Variants in BTBD9 observed in about 807,000 individuals in gnomAD.
BTBD9 encodes BTB/POZ domain-containing protein 9.
BTBD9 carries 49 observed loss-of-function variants against 64.3 expected under a neutral mutation model. That is an observed-to-expected ratio of 0.76 (90% CI 0.61 to 0.97). The LOEUF is 0.97. BTBD9 is among the 50% of genes least tolerant of loss of function. The probability of loss-of-function intolerance (pLI) is 0.00; values close to 1 mark genes in which losing one functional copy is unlikely to be tolerated. For synonymous variants in BTBD9, 260 were observed against 274.7 expected (o/e 0.95, Z 0.53); for missense variants, 598 against 762.1 (o/e 0.78, Z 2.53).
At chr6:38,179,702 C>CTTA (rs1761458647) in intron 10 of BTBD9, 1 of 456,766 alleles carries the variant, frequency 2.2e-6, no homozygotes, top group Non-Finnish European at 4.4e-6. Context: ...CTGTGCCTTC[C>CTTA]TTAAGCCTGG....
intron 6 of BTBD9, among the ~76,000 whole-genome samples, chr6:38,414,095 T>G (rs1290865501): frequency 6.6e-6 from 1 of 152,184 alleles, no homozygotes; most frequent in African/African-American, 2.4e-5. Flanking sequence ...GAAGTTTAGG[T>G]GTTACATTTA....
chr6:38,210,981 C>A (rs1292574675), intron 9 of BTBD9, among the ~76,000 whole-genome samples: 1 of 152,158 alleles, frequency 6.6e-6, no homozygotes, highest in Non-Finnish European at 1.5e-5. Flanking sequence ...CCTAACAGCT[C>A]CCCTCCCCTT....
intron 6 of BTBD9, among the ~76,000 whole-genome samples, chr6:38,561,973 A>C (rs144868924): frequency 1.1e-4 from 17 of 152,214 alleles, no homozygotes; most frequent in Admixed American, 1.1e-3. Flanking sequence ...ATGCAAGTGC[A>C]CCTAGTACTA....
intron 6 of BTBD9, among the ~76,000 whole-genome samples, chr6:38,502,540 T>C (rs1038884016): frequency 1.3e-5 from 2 of 152,172 alleles, no homozygotes; most frequent in African/African-American, 4.8e-5. Flanking sequence ...GAGAATGTCC[T>C]ATAGACCAAG....
At chr6:38,308,096 G>C (rs1355479702) in intron 7 of BTBD9, among the ~76,000 whole-genome samples, 1 of 152,204 alleles carries the variant, frequency 6.6e-6, no homozygotes. Context: ...CAATCCTGTA[G>C]TTTAAATGCT....
chr6:38,563,084 C>T (rs1775325065), intron 6 of BTBD9, among the ~76,000 whole-genome samples: 1 of 152,140 alleles, frequency 6.6e-6, no homozygotes, highest in African/African-American at 2.4e-5. Context: ...TTCTTGCTGG[C>T]TATTCTTTCC....
At chr6:38,248,628 T>C (rs1290037418) in intron 9 of BTBD9, among the ~76,000 whole-genome samples, 1 of 152,178 alleles carries the variant, frequency 6.6e-6, no homozygotes, top group East Asian at 1.9e-4. Flanking sequence ...GGAAAATGAC[T>C]TGGGGTCACT....
In BTBD9 at chr6:38,487,087, T is replaced by C. The variant is rs114265021; in HGVS notation, c.1154+90513A>G. On this transcript the variant is annotated intron_variant, in intron 6 of 10. Coordinates refer to ENST00000481247, the MANE Select transcript of BTBD9 (RefSeq NM_001099272.2). ...TGTACCCAAATCTAGGATTCTAACA[T>C]ATTTTCAGGAACAGCACAAAGGACA... 3.3e-3 allele frequency among the ~76,000 whole-genome samples: 500 copies of C among 152,304 alleles called. 2 individuals carry two copies. Among genetic ancestry groups the C allele is most frequent in the African/African-American group, 0.012 (479 of 41,562 alleles).
chr6:38,274,775 G>A (rs1454025793), intron 8 of BTBD9, among the ~76,000 whole-genome samples: 1 of 152,042 alleles, frequency 6.6e-6, no homozygotes, highest in Non-Finnish European at 1.5e-5. Context: ...GCTGGATTCG[G>A]TTTGCCAGTA....
chr6:38,606,495 A>G (rs905968909), intron 1 of BTBD9, among the ~76,000 whole-genome samples: 20 of 131,810 alleles, frequency 1.5e-4, no homozygotes, highest in African/African-American at 5.0e-4. Context: ...GTGACCTTTG[A>G]TTATTTTAAA....
chr6:38,367,462 G>A (rs577569896), intron 6 of BTBD9, among the ~76,000 whole-genome samples: 9 of 152,278 alleles, frequency 5.9e-5, no homozygotes, highest in African/African-American at 1.9e-4. Flanking sequence ...TTTAGGGGAA[G>A]AGAAGCTTCT....
At chr6:38,404,651 C>G (rs569698328) in intron 6 of BTBD9, among the ~76,000 whole-genome samples, 3 of 152,276 alleles carry the variant, frequency 2.0e-5, no homozygotes, top group Admixed American at 1.3e-4. Context: ...AAACAAATAT[C>G]AAGATTCTAG....
chr6:38,588,298 A>G, intron 4 of BTBD9: 1 of 1,100,226 alleles, frequency 9.1e-7, no homozygotes, highest in East Asian at 2.3e-5. Flanking sequence ...GTACCAGGCA[A>G]GCAATTATCC....
intron 6 of BTBD9, among the ~76,000 whole-genome samples, chr6:38,393,318 A>G (rs1457337028): frequency 6.6e-6 from 1 of 152,222 alleles, no homozygotes; most frequent in Non-Finnish European, 1.5e-5. Flanking sequence ...TGAGGGGAGG[A>G]GGCAGGGCCA....
intron 8 of BTBD9, among the ~76,000 whole-genome samples, chr6:38,283,991 G>A (rs4714139): frequency 0.058 from 8,880 of 152,182 alleles, 754 homozygotes; most frequent in East Asian, 0.4. Context: ...ATCAACTGTC[G>A]CTAACTGAAG....
chr6:38,624,004 G>T (rs777051194), intron 1 of BTBD9, among the ~76,000 whole-genome samples: 8 of 152,108 alleles, frequency 5.3e-5, no homozygotes, highest in Non-Finnish European at 1.2e-4. Flanking sequence ...AGTTCCCAAC[G>T]GCAGTTTGGG....
chr6:38,374,284 T>TATATATATATATAC (rs1491511837), intron 6 of BTBD9, among the ~76,000 whole-genome samples: 811 of 57,936 alleles, frequency 0.014, 70 homozygotes, highest in East Asian at 0.1. Flanking sequence ...AAAAAAAAAG[T>TATATATATATATAC]ATATATATAT....
chr6:38,501,319 G>T (rs78278490), intron 6 of BTBD9, among the ~76,000 whole-genome samples: 7 of 151,994 alleles, frequency 4.6e-5, no homozygotes, highest in African/African-American at 1.7e-4. Flanking sequence ...TCAGGTTTTC[G>T]GATTAGGAAT....
intron 7 of BTBD9, among the ~76,000 whole-genome samples, chr6:38,340,301 G>A (rs1353711767): frequency 2.0e-5 from 3 of 152,040 alleles, no homozygotes; most frequent in Admixed American, 6.6e-5. Flanking sequence ...TCCTCTATAC[G>A]GTATCAAGCC....
Sources: allele counts gnomAD v4.1 joint callset (sites outside exome capture counted in the v4.1 genomes callset), GRCh38; gene constraint gnomAD v4.1.1; transcripts MANE v1.5; gene names NCBI Gene and HGNC (gene_info 2026-07-23, HGNC 2026-07-21).